The following NAV3 variants were observed in gnomAD, a reference collection of about 807,000 sequenced individuals.
NAV3 encodes the protein pore membrane and/or filament interacting like protein 1.
In NAV3, 87 loss-of-function variants were observed where a neutral mutation model predicts 244.7. That is an observed-to-expected ratio of 0.36 (90% CI 0.30 to 0.42). The LOEUF is 0.42. Ranked by LOEUF, NAV3 falls within the 20% of genes least tolerant of loss-of-function variation. NAV3 has a pLI of 1.00. For missense variants in NAV3, 2,663 were observed against 2,893.3 expected, an observed-to-expected ratio of 0.92 and a Z score of 1.83; for synonymous variants, 1,126 against 1,042.2, an observed-to-expected ratio of 1.08 and a Z score of -1.55.
At chr12:77,823,255 C>CA in intron 2 of NAV3, among the ~76,000 whole-genome samples, 1 of 152,032 alleles carries the variant, frequency 6.6e-6, no homozygotes, top group East Asian at 1.9e-4. Context: ...AAAGAAGGAA[C>CA]TGCAGAGAGA....
At chr12:78,047,304 G>A (rs973507086) in intron 9 of NAV3, among the ~76,000 whole-genome samples, 16 of 152,046 alleles carry the variant, frequency 1.1e-4, no homozygotes, top group South Asian at 4.2e-4. Context: ...TGGCTAACAC[G>A]GTGAAACCCC....
chr12:78,018,344 A>G (rs1876582292), intron 8 of NAV3, among the ~76,000 whole-genome samples: 1 of 152,200 alleles, frequency 6.6e-6, no homozygotes, highest in Non-Finnish European at 1.5e-5. Flanking sequence ...AACTTAACCA[A>G]TGGAATTAAG....
Position 77,657,699 on chromosome 12 carries a change from A to G in NAV3, c.72+85433A>G, listed in dbSNP as rs951720719. 1.0e-3 allele frequency among the ~76,000 whole-genome samples: 153 copies of G among 152,344 alleles called. 1 individual carries two copies. Among genetic ancestry groups the G allele is most frequent in the African/African-American group, 3.4e-3 (143 of 41,584 alleles). On this transcript the variant is annotated intron_variant, in intron 2 of 8. Transcript: ENST00000550042. ...ATATCCTTGATGAACATTGATGCAA[A>G]AATCCTCAATAAAATACTGGCAAAC...
chr12:77,663,447 C>T (rs1873561924), intron 2 of NAV3, among the ~76,000 whole-genome samples: 1 of 151,580 alleles, frequency 6.6e-6, no homozygotes, highest in East Asian at 1.9e-4. Flanking sequence ...AAGATATAAC[C>T]TGCAAAGCTA....
At chr12:78,140,246 T>G in intron 19 of NAV3, 36 bp from the exon 20 acceptor site, 1 of 1,590,728 alleles carries the variant, frequency 6.3e-7, no homozygotes, top group Non-Finnish European at 8.6e-7. Flanking sequence ...GTAGACCTTA[T>G]TGTTTTAACT....
chr12:77,778,618 A>C (rs1365267246), intron 2 of NAV3, among the ~76,000 whole-genome samples: 1 of 151,642 alleles, frequency 6.6e-6, no homozygotes, highest in Admixed American at 6.6e-5. Context: ...TCTCAGAAAA[A>C]AAAAAAAAAA....
intron 2 of NAV3, among the ~76,000 whole-genome samples, chr12:77,632,346 T>A (rs1353378436): frequency 6.6e-6 from 1 of 152,086 alleles, no homozygotes; most frequent in Non-Finnish European, 1.5e-5. Flanking sequence ...GAAAAAGAGG[T>A]TTAATGGACT....
At position 78,210,702 on chromosome 12, in the gene NAV3, T is replaced by G; in HGVS notation, c.*185T>G. On this transcript the variant is annotated 3_prime_UTR_variant, in exon 40 of 40. Transcript: ENST00000397909. Reference sequence around the variant, plus strand: ...AAGATGCTAAATTGCAATGGAAGCTTAACTTTAGTTTATTTCTAAGCATTT... The same window carrying G: ...AAGATGCTAAATTGCAATGGAAGCTGAACTTTAGTTTATTTCTAAGCATTT... The G allele has an allele frequency of 1.6e-6, 1 of 640,028 alleles. No individual in the cohort carries two copies. Among genetic ancestry groups the G allele is most frequent in the East Asian group, 2.9e-5 (1 of 34,270 alleles). The allele number at this position is 640,028 out of a possible 1,614,324, so 39.6% of individuals were successfully genotyped here. A position where few individuals can be genotyped will look rare whatever the true frequency, so the allele number is the denominator to read the frequency against.
intron 9 of NAV3, among the ~76,000 whole-genome samples, chr12:78,047,694 C>T (rs1352949252): frequency 6.6e-6 from 1 of 152,084 alleles, no homozygotes; most frequent in African/African-American, 2.4e-5. Flanking sequence ...CTTGGGGTTG[C>T]TCTTCTCAAA....
intron 2 of NAV3, among the ~76,000 whole-genome samples, chr12:77,727,798 G>A (rs961410392): frequency 3.3e-5 from 5 of 151,910 alleles, no homozygotes; most frequent in Admixed American, 2.0e-4. Context: ...TATACTGTTA[G>A]GAAATTGTGC....
chr12:78,183,877 C>T (rs538329960), intron 30 of NAV3, among the ~76,000 whole-genome samples: 1 of 151,992 alleles, frequency 6.6e-6, no homozygotes, highest in Non-Finnish European at 1.5e-5. Context: ...CTTGTCTCTA[C>T]ATTCCTGCTA....
At chr12:77,587,595 A>T (rs1221699499) in intron 2 of NAV3, among the ~76,000 whole-genome samples, 1 of 152,232 alleles carries the variant, frequency 6.6e-6, no homozygotes, top group Non-Finnish European at 1.5e-5. Context: ...CTTCAAAAAT[A>T]TATATTATAG....
At chr12:77,811,377 T>C (rs2136001282) in intron 2 of NAV3, among the ~76,000 whole-genome samples, 1 of 152,242 alleles carries the variant, frequency 6.6e-6, no homozygotes, top group East Asian at 1.9e-4. Flanking sequence ...GTTAAGAGAG[T>C]ATATTATAAA....
At chr12:77,747,397 G>C (rs1018804791) in intron 2 of NAV3, among the ~76,000 whole-genome samples, 1 of 152,188 alleles carries the variant, frequency 6.6e-6, no homozygotes, top group African/African-American at 2.4e-5. Context: ...GTGCTGGAGA[G>C]GATGTGGAGA....
At position 78,122,246 on chromosome 12, in the gene NAV3, T is replaced by G. The variant is rs1358685345; in HGVS notation, c.4056T>G (p.Ser1352Arg). Residue 1352 changes from serine to arginine, a missense_variant, in exon 16 of 40, where the codon AGT becomes AGG. Coordinates refer to ENST00000397909, the MANE Select transcript of NAV3 (RefSeq NM_001024383.2). Reference sequence around the variant, plus strand: ...TCGTGTGGGCTGCCAATATGAGCAGTTCCTCTGCAGGCAGCAAGGATACTC... The same window carrying G: ...TCGTGTGGGCTGCCAATATGAGCAGGTCCTCTGCAGGCAGCAAGGATACTC... ...GGLVWAANMS[S>R]SSAGSKDTPS... 1.9e-6 allele frequency: 3 copies of G among 1,614,004 alleles called. No individual in the cohort carries two copies. The African/African-American group carries it at 4.0e-5, about 22-fold the overall frequency.
intron 9 of NAV3, among the ~76,000 whole-genome samples, chr12:78,031,959 G>A (rs1368581898): frequency 1.3e-5 from 2 of 151,938 alleles, no homozygotes; most frequent in African/African-American, 4.8e-5. Flanking sequence ...CAAAAGAGAA[G>A]CTTAGACCTG....
chr12:78,193,920 A>G (rs141411009), intron 34 of NAV3, among the ~76,000 whole-genome samples: 204 of 152,098 alleles, frequency 1.3e-3, no homozygotes, highest in Non-Finnish European at 2.1e-3. Flanking sequence ...TCTCTTTCTG[A>G]CATTCATGTT....
At chr12:77,886,549 T>C (rs1883308738) in intron 1 of NAV3, among the ~76,000 whole-genome samples, 1 of 152,174 alleles carries the variant, frequency 6.6e-6, no homozygotes, top group Admixed American at 6.6e-5. Flanking sequence ...AAGCATTTTG[T>C]TGTTTCCACC....
chr12:77,946,983 T>C (rs1330630588), intron 3 of NAV3, among the ~76,000 whole-genome samples: 1 of 152,174 alleles, frequency 6.6e-6, no homozygotes, highest in Non-Finnish European at 1.5e-5. Context: ...CAAATGTATT[T>C]CACAGCTTGT....
Sources: allele counts gnomAD v4.1 joint callset (sites outside exome capture counted in the v4.1 genomes callset), GRCh38; gene constraint gnomAD v4.1.1; transcripts MANE v1.5; gene names NCBI Gene and HGNC (gene_info 2026-07-23, HGNC 2026-07-21).